The following SLK variants were observed in gnomAD, a reference collection of about 807,000 sequenced individuals.
SLK encodes the protein STE20 like kinase, also known as STE20-like serine/threonine-protein kinase.
A neutral mutation model predicts 147.7 loss-of-function variants in SLK; 67 were observed. That is an observed-to-expected ratio of 0.45 (90% CI 0.37 to 0.56). SLK has a LOEUF of 0.56. Ranked by LOEUF, SLK falls within the 20% of genes least tolerant of loss-of-function variation. The probability of loss-of-function intolerance (pLI) is 0.00; values close to 1 mark genes in which losing one functional copy is unlikely to be tolerated. For missense variants in SLK, 1,136 were observed against 1,438.8 expected, an observed-to-expected ratio of 0.79 and a Z score of 3.41; for synonymous variants, 441 against 475.0, an observed-to-expected ratio of 0.93 and a Z score of 0.93.
rs1844284214 is a variant in SLK, at chr10:104,003,509, T to C, written c.2331T>C (p.Ser777=). 2 of 1,579,896 alleles carry C rather than the reference T, an allele frequency of 1.3e-6. No individual in the cohort carries two copies. The highest frequency in any genetic ancestry group is 2.7e-5 in the African/African-American group (2 of 73,274). ...ISSFLSKTKD[S]GSISLQETRR... ...GCTTTCTAAGTAAAACTAAAGACAG[T>C]GGATCGATATCTTTACAAGTAAGTG... The change falls in exon 9 of 19, where the codon AGT becomes AGC. Residue 777 remains serine, a synonymous_variant. Coordinates refer to ENST00000369755, the MANE Select transcript of SLK (RefSeq NM_014720.4).
At position 103,993,115 on chromosome 10, in the gene SLK, G is replaced by A. The variant is rs1353495907; in HGVS notation, c.496G>A (p.Asp166Asn). 6.2e-7 allele frequency: 1 copy of A among 1,604,160 alleles called. No homozygotes were observed. The change falls in exon 4 of 19, where the codon GAT becomes AAT. Residue 166 changes from aspartate to asparagine, a missense_variant. Transcript: ENST00000369755. The part of the protein sequence containing the change: ...LKAGNILFTL[D>N]GDIKLADFGV... ...GGCTGGCAACATTCTCTTTACCTTAGATGGAGATATCAAATTGGGTAAGTT... is the reference window on the plus strand; with the variant it reads ...GGCTGGCAACATTCTCTTTACCTTAAATGGAGATATCAAATTGGGTAAGTT...
At chr10:103,977,537 C>G (rs1843886828) in intron 1 of SLK, among the ~76,000 whole-genome samples, 1 of 152,194 alleles carries the variant, frequency 6.6e-6, no homozygotes. Flanking sequence ...ATCCCTTGAA[C>G]TTGGTGGAGG....
intron 13 of SLK, among the ~76,000 whole-genome samples, chr10:104,013,398 G>A (rs1367505824): frequency 6.6e-6 from 1 of 151,924 alleles, no homozygotes; most frequent in African/African-American, 2.4e-5. Context: ...TTTTGGGGGT[G>A]AATTTTAAAA....
chr10:104,000,315 A>G (rs988607844), intron 7 of SLK, among the ~76,000 whole-genome samples: 1 of 152,224 alleles, frequency 6.6e-6, no homozygotes, highest in African/African-American at 2.4e-5. Flanking sequence ...ATGTTGTTAA[A>G]GCGATTGGGT....
Position 103,999,251 on chromosome 10 carries a change from A to ATC in SLK, c.720_721insTC (p.Met241SerfsTer6). The ATC allele has an allele frequency of 6.2e-7, 1 of 1,613,806 alleles. No homozygotes were observed. Among genetic ancestry groups the ATC allele is most frequent in the African/African-American group, 1.3e-5 (1 of 75,046 alleles). ...AACCACCTCATCATGAATTAAATCC[A>ATC]ATGCGAGTGCTGCTAAAAATAGCAA... On this transcript the variant is annotated frameshift_variant, in exon 6 of 19. Coordinates refer to ENST00000369755, the MANE Select transcript of SLK (RefSeq NM_014720.4). LOFTEE classifies it high-confidence loss of function.
intron 1 of SLK, among the ~76,000 whole-genome samples, chr10:103,972,024 T>C (rs1012525334): frequency 6.6e-6 from 1 of 152,262 alleles, no homozygotes; most frequent in Admixed American, 6.5e-5. Flanking sequence ...GCACTTGAAC[T>C]TTATATGAAT....
Position 104,027,435 on chromosome 10 carries a change from C to T in SLK, c.*1715C>T, listed in dbSNP as rs963039877. 2.6e-5 allele frequency: 4 copies of T among 152,554 alleles called. No homozygotes were observed. The highest frequency in any genetic ancestry group is 9.6e-5 in the African/African-American group (4 of 41,514). The allele number at this position is 152,554 out of a possible 1,614,324, so 9.5% of individuals were successfully genotyped here. A position where few individuals can be genotyped will look rare whatever the true frequency, so the allele number is the denominator to read the frequency against. ...ATACACTTATCACATGAATGTGTTA[C>T]TGTATACAAAACTCTTAATGCTTTA... On this transcript the variant is annotated 3_prime_UTR_variant, in exon 19 of 19. Transcript: ENST00000369755.
At chr10:104,019,273 C>G (rs1844503907) in intron 15 of SLK, among the ~76,000 whole-genome samples, 1 of 152,012 alleles carries the variant, frequency 6.6e-6, no homozygotes, top group African/African-American at 2.4e-5. Flanking sequence ...TAATAACTTT[C>G]TTTTCTTTTT....
chr10:104,006,111 C>T, intron 11 of SLK, 76 bp downstream of exon 11: 2 of 1,421,394 alleles, frequency 1.4e-6, no homozygotes, highest in African/African-American at 1.5e-5. Flanking sequence ...AACAGACAAA[C>T]AAAAAAGGTT....
Position 104,027,706 on chromosome 10 carries a change from T to G in SLK, c.*1986T>G, listed in dbSNP as rs945191132. On this transcript the variant is annotated 3_prime_UTR_variant, in exon 19 of 19. Coordinates refer to ENST00000369755, the MANE Select transcript of SLK (RefSeq NM_014720.4). ...AAATGAATACCTCAGGCAGTAGACA[T>G]TTTTTTTCTAGTATCATTTAATTGA... 6.6e-6 allele frequency: 1 copy of G among 152,014 alleles called. No homozygotes were observed. The highest frequency in any genetic ancestry group is 2.4e-5 in the African/African-American group (1 of 41,352). 9.4% of individuals were successfully genotyped at this position (152,014 alleles called of 1,614,324 possible). A position where few individuals can be genotyped will look rare whatever the true frequency, so the allele number is the denominator to read the frequency against.
chr10:103,990,843 A>G lies in SLK; in HGVS notation c.315+4A>G, dbSNP rs1844083568. 6 of 1,487,622 alleles carry G rather than the reference A, an allele frequency of 4.0e-6. No homozygotes were observed. The Admixed American group carries it at 1.3e-4, about 32-fold the overall frequency. 92.2% of individuals were successfully genotyped at this position (1,487,622 alleles called of 1,614,324 possible). On this transcript the variant is annotated splice_donor_region_variant and intron_variant, in intron 2 of 18. Transcript: ENST00000369755. ...CTATTATGAGAACAATCTTTGGGTA[A>G]GTATTTTCTGTTGATCTAAAGGAGT...
intron 1 of SLK, among the ~76,000 whole-genome samples, chr10:103,980,617 C>T (rs538871271): frequency 2.0e-5 from 3 of 152,110 alleles, no homozygotes; most frequent in South Asian, 2.1e-4. Flanking sequence ...GTTCCTTTAG[C>T]GTAATGAGCC....
chr10:104,010,291 C>T (rs569130870), intron 12 of SLK, among the ~76,000 whole-genome samples: 7 of 152,244 alleles, frequency 4.6e-5, no homozygotes, highest in Admixed American at 1.3e-4. Flanking sequence ...CCATTTATTT[C>T]TCCTTTGTGT....
chr10:104,024,042 C>T (rs1485421617), intron 18 of SLK, among the ~76,000 whole-genome samples: 2 of 152,220 alleles, frequency 1.3e-5, no homozygotes, highest in Non-Finnish European at 2.9e-5. Context: ...TTTCCGCGCT[C>T]ACTGCAGGCC....
Position 104,019,827 on chromosome 10 carries a change from C to T in SLK, c.3226C>T (p.Arg1076Cys), listed in dbSNP as rs754552535. 5 of 1,613,026 alleles carry T rather than the reference C, an allele frequency of 3.1e-6. No individual in the cohort carries two copies. The highest frequency in any genetic ancestry group is 1.7e-5 in the Admixed American group (1 of 60,004). ...AAGAGCAAGACTGCCCAAGATTCAGCGCAGTGAAGCCAAGACTCGAATGGC... is the reference window on the plus strand; with the variant it reads ...AAGAGCAAGACTGCCCAAGATTCAGTGCAGTGAAGCCAAGACTCGAATGGC... ...QERARLPKIQ[R>C]SEAKTRMAMF... is the part of the protein sequence containing the mutation. Residue 1076 changes from arginine (R) to cysteine (C), a missense_variant, in exon 16 of 19, where the codon CGC becomes TGC. Physicochemically the swap from Arg to Cys is radical, Grantham distance 180. This residue lies in a region of SLK where 327 missense variants were observed against 457.5 expected (regional missense o/e 0.71). Transcript: ENST00000369755.
chr10:103,983,750 A>C (rs1420506673), intron 1 of SLK, among the ~76,000 whole-genome samples: 1 of 151,870 alleles, frequency 6.6e-6, no homozygotes, highest in Non-Finnish European at 1.5e-5. Flanking sequence ...CAACACTCAC[A>C]GAACTAACCT....
intron 1 of SLK, among the ~76,000 whole-genome samples, chr10:103,976,225 C>CA (rs1843868609): frequency 6.6e-6 from 1 of 151,950 alleles, no homozygotes; most frequent in Non-Finnish European, 1.5e-5. Flanking sequence ...AATTAAAAAC[C>CA]AAAAAATACG....
At position 104,001,494 on chromosome 10, in the gene SLK, A is replaced by G. The variant is rs745566181; in HGVS notation, c.915A>G (p.Ala305=). ...ACAAACCCATCCGAGAATTGATTGC[A>G]GAGGCGAAGGCTGAAGTAACAGAAG... is the stretch of plus-strand genomic sequence containing the variant. ...DSNKPIRELI[A]EAKAEVTEEV... Residue 305 remains alanine (A), a synonymous_variant, in exon 8 of 19, where the codon GCA becomes GCG. Coordinates refer to ENST00000369755, the MANE Select transcript of SLK (RefSeq NM_014720.4). 3.1e-6 allele frequency: 5 copies of G among 1,614,146 alleles called. No homozygotes were observed. In the Admixed American group the frequency reaches 8.3e-5, roughly 27 times the overall value.
chr10:103,980,030 A>G (rs1843920675), intron 1 of SLK, among the ~76,000 whole-genome samples: 1 of 152,148 alleles, frequency 6.6e-6, no homozygotes, highest in South Asian at 2.1e-4. Context: ...ATTTTTGCTT[A>G]TAGAGTGAGG....
Sources: allele counts gnomAD v4.1 joint callset (sites outside exome capture counted in the v4.1 genomes callset), GRCh38; gene constraint gnomAD v4.1.1; regional missense constraint gnomAD v4.1.1; transcripts MANE v1.5; gene names NCBI Gene and HGNC (gene_info 2026-07-23, HGNC 2026-07-21).